Variants in PCSK5 observed in about 807,000 individuals in gnomAD.
The protein encoded by PCSK5 is prohormone convertase 5.
In PCSK5, 129 loss-of-function variants were observed where a neutral mutation model predicts 233.2. That is an observed-to-expected ratio of 0.55 (90% CI 0.48 to 0.64). The LOEUF (loss-of-function observed/expected upper bound fraction) is 0.64. Among genes scored for constraint, PCSK5 ranks in the 30% least tolerant of loss-of-function variants. The probability of loss-of-function intolerance (pLI) is 0.00; values close to 1 mark genes in which losing one functional copy is unlikely to be tolerated. For synonymous variants in PCSK5, 825 were observed against 879.2 expected, an observed-to-expected ratio of 0.94 and a Z score of 1.09; for missense variants, 2,076 against 2,430.1, an observed-to-expected ratio of 0.85 and a Z score of 3.06.
intron 30 of PCSK5, among the ~76,000 whole-genome samples, chr9:76,319,718 G>T (rs367735766): frequency 6.6e-6 from 1 of 152,122 alleles, no homozygotes; most frequent in Non-Finnish European, 1.5e-5. Context: ...AGACCTGCCC[G>T]CAGTCATCCG....
At position 76,353,847 on chromosome 9, in the gene PCSK5, C is replaced by T. The variant is rs373354936; in HGVS notation, c.5068-186C>T. Among the ~76,000 whole-genome samples the T allele has an allele frequency of 4.6e-5, 7 of 152,284 alleles. No homozygotes were observed. The South Asian group carries it at 1.5e-3, about 32-fold the overall frequency. Reference sequence around the variant, plus strand: ...CAAAGGACAGGGCCCAGCCGTGATTCCACCCCATCACAGACAGTTGGTTCT... The same window carrying T: ...CAAAGGACAGGGCCCAGCCGTGATTTCACCCCATCACAGACAGTTGGTTCT... On this transcript the variant is annotated intron_variant, in intron 36 of 37. Coordinates refer to ENST00000674117, the MANE Select transcript of PCSK5 (RefSeq NM_001372043.1).
chr9:76,145,072 C>G (rs562656543), intron 10 of PCSK5, among the ~76,000 whole-genome samples: 1 of 152,232 alleles, frequency 6.6e-6, no homozygotes, highest in South Asian at 2.1e-4. Flanking sequence ...TTGCAGTGAG[C>G]CAAGATTGTG....
intron 24 of PCSK5, among the ~76,000 whole-genome samples, chr9:76,265,382 C>T (rs1340194465): frequency 3.3e-5 from 5 of 151,716 alleles, no homozygotes; most frequent in Non-Finnish European, 7.4e-5. Flanking sequence ...ACATATACCA[C>T]CTGAATTGAA....
At chr9:75,916,461 T>C (rs1381348031) in intron 1 of PCSK5, among the ~76,000 whole-genome samples, 2 of 151,904 alleles carry the variant, frequency 1.3e-5, no homozygotes, top group East Asian at 3.9e-4. Flanking sequence ...TTAAAGTGAG[T>C]AAGGAAATAA....
chr9:76,233,877 G>A (rs1430857409), intron 22 of PCSK5, among the ~76,000 whole-genome samples: 3 of 152,026 alleles, frequency 2.0e-5, no homozygotes, highest in Non-Finnish European at 2.9e-5. Context: ...AGAAGCATGA[G>A]GTCAGACATG....
intron 10 of PCSK5, among the ~76,000 whole-genome samples, chr9:76,145,849 T>G (rs1196612810): frequency 6.6e-6 from 1 of 152,206 alleles, no homozygotes; most frequent in Admixed American, 6.5e-5. Context: ...TTTGTATTGG[T>G]GCCAATGTCT....
intron 11 of PCSK5, 124 bp downstream of exon 11, chr9:76,157,286 A>C: frequency 1.5e-6 from 1 of 670,784 alleles, no homozygotes; most frequent in Non-Finnish European, 2.7e-6. Context: ...CTCTAATGTG[A>C]CTATGAAATG....
At chr9:75,944,085 C>A (rs920653893) in intron 2 of PCSK5, among the ~76,000 whole-genome samples, 2 of 151,810 alleles carry the variant, frequency 1.3e-5, no homozygotes, top group Non-Finnish European at 2.9e-5. Flanking sequence ...ACCACTTGAG[C>A]CAGGGAGGTT....
At position 76,352,664 on chromosome 9, in the gene PCSK5, G is replaced by A. The variant is rs572908010; in HGVS notation, c.5068-1369G>A. 4.7e-4 allele frequency among the ~76,000 whole-genome samples: 71 copies of A among 151,966 alleles called. 1 individual carries two copies. Among genetic ancestry groups the A allele is most frequent in the Admixed American group, 2.8e-3 (42 of 15,260 alleles). Reference sequence around the variant, plus strand: ...ATTACAGGTGTGAGCCACTGCGCCCGGCAAGACCACAAATTTCTTGATTAT... The same window carrying A: ...ATTACAGGTGTGAGCCACTGCGCCCAGCAAGACCACAAATTTCTTGATTAT... On this transcript the variant is annotated intron_variant, in intron 36 of 37. Coordinates refer to ENST00000674117, the MANE Select transcript of PCSK5 (RefSeq NM_001372043.1).
chr9:76,011,720 T>A (rs1209777784), intron 3 of PCSK5, among the ~76,000 whole-genome samples: 23 of 152,198 alleles, frequency 1.5e-4, no homozygotes, highest in Admixed American at 1.5e-3. Flanking sequence ...GTTTTGTTTT[T>A]AAATTTTAAA....
In PCSK5 at chr9:76,277,816, T is replaced by C. The variant is rs565778378; in HGVS notation, c.3143-14417T>C. ...CTAAGTGCAAGACCTATTTGAATTA[T>C]GTACTTTTTAGTGTTATTTGGGGCT... On this transcript the variant is annotated intron_variant, in intron 24 of 37. Coordinates refer to ENST00000674117, the MANE Select transcript of PCSK5 (RefSeq NM_001372043.1). 3.3e-5 allele frequency among the ~76,000 whole-genome samples: 5 copies of C among 152,354 alleles called. No individual in the cohort carries two copies. The East Asian group carries it at 9.6e-4, about 29-fold the overall frequency.
rs1830370032 is a variant in PCSK5 at position 76,358,799 on chromosome 9, T to C, written c.5541T>C (p.Asp1847=). 6.2e-7 allele frequency: 1 copy of C among 1,612,910 alleles called. No individual in the cohort carries two copies. Among genetic ancestry groups the C allele is most frequent in the Non-Finnish European group, 8.5e-7 (1 of 1,179,888 alleles). Residue 1847 remains aspartate, a synonymous_variant, in exon 38 of 38, where the codon GAT becomes GAC. Transcript: ENST00000674117. ...ATCGGGACTATGATGAGGATGATGA[T>C]GATGACATCGTCTACATGGGCCAGG... The part of the protein sequence containing the change: ...YRDRDYDEDD[D]DDIVYMGQDG...
chr9:76,276,718 G>A (rs1461835638), intron 24 of PCSK5, among the ~76,000 whole-genome samples: 1 of 152,042 alleles, frequency 6.6e-6, no homozygotes, highest in Non-Finnish European at 1.5e-5. Context: ...CTCCACCCCA[G>A]TCTCATCACT....
intron 1 of PCSK5, among the ~76,000 whole-genome samples, chr9:75,898,861 C>T (rs1373830600): frequency 6.6e-6 from 1 of 152,176 alleles, no homozygotes; most frequent in East Asian, 1.9e-4. Flanking sequence ...ATTCTCTGTT[C>T]TTGAGAAGCT....
At chr9:76,015,329 G>A (rs549394720) in intron 3 of PCSK5, among the ~76,000 whole-genome samples, 2 of 152,230 alleles carry the variant, frequency 1.3e-5, no homozygotes, top group East Asian at 1.9e-4. Flanking sequence ...CTATCCAAAC[G>A]CTAATCCCTT....
chr9:76,044,624 A>C (rs1829301157), intron 5 of PCSK5, among the ~76,000 whole-genome samples: 4 of 152,178 alleles, frequency 2.6e-5, no homozygotes, highest in Admixed American at 2.0e-4. Context: ...ACCCTTTTGT[A>C]ATAACTTTTG....
At chr9:76,324,222 G>A (rs182114281) in intron 32 of PCSK5, among the ~76,000 whole-genome samples, 154 of 151,254 alleles carry the variant, frequency 1.0e-3, no homozygotes, top group African/African-American at 3.5e-3. Context: ...CATGGCGCTC[G>A]GTCCATATTT....
At chr9:76,249,446 A>C (rs1363586613) in intron 24 of PCSK5, among the ~76,000 whole-genome samples, 1 of 152,196 alleles carries the variant, frequency 6.6e-6, no homozygotes, top group Non-Finnish European at 1.5e-5. Flanking sequence ...GAGATAAAAC[A>C]ATCAAGAAAA....
chr9:76,265,725 C>T (rs1036578652), intron 24 of PCSK5, among the ~76,000 whole-genome samples: 2 of 152,058 alleles, frequency 1.3e-5, no homozygotes, highest in Non-Finnish European at 2.9e-5. Flanking sequence ...TAAAAGACCA[C>T]AAGTATCCAT....
Sources: gnomAD v4.1 joint callset for allele counts (sites outside exome capture counted in the v4.1 genomes callset) on GRCh38, gnomAD v4.1.1 for gene constraint, MANE v1.5 for transcripts, NCBI Gene and HGNC (gene_info 2026-07-23, HGNC 2026-07-21) for gene names.